Variants in STX18 observed in about 807,000 individuals in gnomAD.
The protein encoded by STX18 is syntaxin-18.
STX18 carries 40 observed loss-of-function variants against 50.1 expected under a neutral mutation model. The observed-to-expected ratio is 0.80, with a 90% CI of 0.62 to 1.04. STX18 has a LOEUF of 1.04. Among genes scored for constraint, STX18 ranks in the 50% least tolerant of loss-of-function variants. The pLI is 0.00. For synonymous variants in STX18, 158 were observed against 151.8 expected (o/e 1.04, Z -0.30); for missense variants, 410 against 415.8 (o/e 0.99, Z 0.12).
intron 1 of STX18, among the ~76,000 whole-genome samples, chr4:4,481,863 C>A (rs973742593): frequency 2.6e-5 from 4 of 152,228 alleles, no homozygotes; most frequent in Admixed American, 6.5e-5. Flanking sequence ...AGGACCACAG[C>A]AGCGAGTTTG....
rs1726066006 is a variant in STX18, at chr4:4,440,845, G to A, written c.498-2336C>T. 2.0e-5 allele frequency among the ~76,000 whole-genome samples: 3 copies of A among 152,194 alleles called. No homozygotes were observed. The South Asian group carries it at 6.2e-4, about 32-fold the overall frequency. Reference sequence around the variant, plus strand: ...ATAAAACTTAGTGCCTTGAAACAGTGAGATTTATTACTGATCACTGCTTCT... The same window carrying A: ...ATAAAACTTAGTGCCTTGAAACAGTAAGATTTATTACTGATCACTGCTTCT... On this transcript the variant is annotated intron_variant, in intron 5 of 10. Coordinates refer to ENST00000306200, the MANE Select transcript of STX18 (RefSeq NM_016930.4).
chr4:4,514,432 C>T (rs1007709598), intron 1 of STX18, among the ~76,000 whole-genome samples: 4 of 152,146 alleles, frequency 2.6e-5, no homozygotes, highest in African/African-American at 9.6e-5. Flanking sequence ...TCAGTTATTT[C>T]GTTATGGCAA....
chr4:4,500,895 G>A (rs1169243024), intron 1 of STX18, among the ~76,000 whole-genome samples: 3 of 152,046 alleles, frequency 2.0e-5, no homozygotes, highest in Non-Finnish European at 4.4e-5. Context: ...AAATTAGCTG[G>A]GCGTGGTGGC....
intron 1 of STX18, among the ~76,000 whole-genome samples, chr4:4,481,382 C>G (rs1728452936): frequency 6.6e-6 from 1 of 152,186 alleles, no homozygotes; most frequent in South Asian, 2.1e-4. Flanking sequence ...TTTGCCTCTG[C>G]AAGAAACAAG....
intron 2 of STX18, among the ~76,000 whole-genome samples, chr4:4,465,056 T>A (rs1362451915): frequency 6.6e-6 from 1 of 152,212 alleles, no homozygotes. Flanking sequence ...AGCTTTTTGA[T>A]GTGGGCATTT....
intron 1 of STX18, among the ~76,000 whole-genome samples, chr4:4,517,159 GA>G: frequency 6.6e-6 from 1 of 152,306 alleles, no homozygotes; most frequent in East Asian, 1.9e-4. Flanking sequence ...GGGCTGTTCT[GA>G]ACCAGCGGTA....
intron 1 of STX18, among the ~76,000 whole-genome samples, chr4:4,475,383 A>C (rs1226191054): frequency 3.9e-5 from 6 of 152,182 alleles, no homozygotes; most frequent in Non-Finnish European, 7.4e-5. Context: ...GATATTTTAA[A>C]TGCTGAGAAT....
chr4:4,487,406 C>T (rs1330799252), intron 1 of STX18, among the ~76,000 whole-genome samples: 1 of 152,194 alleles, frequency 6.6e-6, no homozygotes, highest in Non-Finnish European at 1.5e-5. Context: ...ATGTGTCGGA[C>T]ACCATGTTAA....
intron 7 of STX18, among the ~76,000 whole-genome samples, chr4:4,431,801 AT>A (rs1432596551): frequency 6.6e-6 from 1 of 152,010 alleles, no homozygotes; most frequent in East Asian, 1.9e-4. Context: ...AGTGCAGGCC[AT>A]TTCCTACACC....
chr4:4,485,923 A>G (rs1312253371), intron 1 of STX18, among the ~76,000 whole-genome samples: 4 of 152,118 alleles, frequency 2.6e-5, no homozygotes, highest in Non-Finnish European at 5.9e-5. Context: ...TTCTGGGATC[A>G]CTGCTTATAC....
Position 4,420,713 on chromosome 4 carries a change from A to C in STX18, c.912+151T>G. 1.5e-6 allele frequency: 1 copy of C among 687,472 alleles called. No homozygotes were observed. The highest frequency in any genetic ancestry group is 2.5e-6 in the Non-Finnish European group (1 of 396,456). 42.6% of individuals were successfully genotyped at this position (687,472 alleles called of 1,614,324 possible). A position where few individuals can be genotyped will look rare whatever the true frequency, so the allele number is the denominator to read the frequency against. ...GCGACAGGTGGTGGGTCTCATGAAC[A>C]CACGCAGCTCCGCGGTCACACAATT... is the stretch of plus-strand genomic sequence containing the variant. On this transcript the variant is annotated intron_variant, in intron 10 of 10. Coordinates refer to ENST00000306200, the MANE Select transcript of STX18 (RefSeq NM_016930.4). This position sits in a 1 kb window ranked among gnomAD's most constrained non-coding sequence, Gnocchi z 4.3.
Position 4,425,222 on chromosome 4 carries a change from A to G in STX18, c.703T>C (p.Phe235Leu). The change falls in exon 8 of 11, where the codon TTT becomes CTT. Residue 235 changes from phenylalanine to leucine, a missense_variant and splice_region_variant. By Grantham distance (22) the Phe-to-Leu change is conservative. Transcript: ENST00000306200. Reference protein sequence around the residue: ...DELSPEEIQMFEQENQRLIGE... With the variant: ...DELSPEEIQMLEQENQRLIGE... ...ATTAGTCGCTGATTTTCCTGTTCAAACTGTGAGGAAACAGACACACTCAGG... is the reference window on the plus strand; with the variant it reads ...ATTAGTCGCTGATTTTCCTGTTCAAGCTGTGAGGAAACAGACACACTCAGG... 1.2e-6 allele frequency: 2 copies of G among 1,613,898 alleles called. No individual in the cohort carries two copies. The highest frequency in any genetic ancestry group is 1.1e-5 in the South Asian group (1 of 91,070).
chr4:4,442,657 T>C (rs1726180905), intron 5 of STX18, among the ~76,000 whole-genome samples: 1 of 151,840 alleles, frequency 6.6e-6, no homozygotes, highest in Non-Finnish European at 1.5e-5. Flanking sequence ...CCATGAGTGG[T>C]GGGGCATGTT....
At chr4:4,453,394 G>A (rs950307036) in intron 5 of STX18, among the ~76,000 whole-genome samples, 1 of 152,154 alleles carries the variant, frequency 6.6e-6, no homozygotes, top group Non-Finnish European at 1.5e-5. Flanking sequence ...ACTGAGGCAA[G>A]GCCCTCTACC....
intron 7 of STX18, among the ~76,000 whole-genome samples, chr4:4,432,926 T>C (rs1271150654): frequency 6.6e-6 from 1 of 152,230 alleles, no homozygotes; most frequent in Non-Finnish European, 1.5e-5. Flanking sequence ...TGCACAACTA[T>C]GCTTACAATG....
intron 5 of STX18, among the ~76,000 whole-genome samples, chr4:4,447,081 C>T (rs900400705): frequency 6.6e-6 from 1 of 152,174 alleles, no homozygotes; most frequent in African/African-American, 2.4e-5. Context: ...ATGTTTGACA[C>T]TAGGTATACA....
intron 1 of STX18, among the ~76,000 whole-genome samples, chr4:4,484,210 C>T (rs938512039): frequency 6.6e-6 from 1 of 152,132 alleles, no homozygotes; most frequent in African/African-American, 2.4e-5. Context: ...GGCTTCTGGC[C>T]ATACTTACTA....
At chr4:4,426,363 G>A (rs1273961427) in intron 7 of STX18, 2 of 152,226 alleles carry the variant, frequency 1.3e-5, no homozygotes, top group Admixed American at 1.3e-4. Flanking sequence ...GTAAGCAGGA[G>A]TGGGAGGGAT....
chr4:4,438,648 T>C (rs1725920700), intron 5 of STX18, 139 bp from the exon 6 acceptor site: 1 of 647,226 alleles, frequency 1.5e-6, no homozygotes, highest in Non-Finnish European at 2.7e-6. Context: ...CTGGGCCCAG[T>C]GGCCATCCGG....
Sources: allele counts gnomAD v4.1 joint callset (sites outside exome capture counted in the v4.1 genomes callset), GRCh38; gene constraint gnomAD v4.1.1; non-coding constraint Gnocchi (gnomAD v3.1); transcripts MANE v1.5; gene names NCBI Gene and HGNC (gene_info 2026-07-23, HGNC 2026-07-21).